Variants in GAS2 observed in about 807,000 individuals in gnomAD.
The protein encoded by GAS2 is growth arrest-specific protein 2.
In GAS2, 20 loss-of-function variants were observed where a neutral mutation model predicts 37.5. That is an observed-to-expected ratio of 0.53 (90% CI 0.37 to 0.77). GAS2 has a LOEUF of 0.77. Ranked by LOEUF, GAS2 falls within the 30% of genes least tolerant of loss-of-function variation. The probability of loss-of-function intolerance (pLI) is 0.00; values close to 1 mark genes in which losing one functional copy is unlikely to be tolerated. For synonymous variants in GAS2, 144 were observed against 132.2 expected (o/e 1.09, Z -0.61); for missense variants, 336 against 373.4 (o/e 0.90, Z 0.82).
intron 7 of GAS2, among the ~76,000 whole-genome samples, chr11:22,804,053 C>G (rs1162691870): frequency 6.6e-6 from 1 of 152,104 alleles, no homozygotes; most frequent in Non-Finnish European, 1.5e-5. Flanking sequence ...GAAGGATTCA[C>G]TTATCTGGGG....
intron 1 of GAS2, among the ~76,000 whole-genome samples, chr11:22,661,485 A>G (rs1848915560): frequency 6.6e-6 from 1 of 152,232 alleles, no homozygotes; most frequent in Non-Finnish European, 1.5e-5. Context: ...CTGTGATACT[A>G]CATTATAAGT....
intron 1 of GAS2, chr11:22,626,591 TA>T (rs1790684706): frequency 6.6e-6 from 1 of 152,446 alleles, no homozygotes; most frequent in Admixed American, 6.5e-5. Context: ...GAGAAGGTCC[TA>T]TGTCGCTCAC....
At chr11:22,713,160 T>C (rs1851495738) in intron 3 of GAS2, among the ~76,000 whole-genome samples, 1 of 149,690 alleles carries the variant, frequency 6.7e-6, no homozygotes, top group African/African-American at 2.5e-5. Flanking sequence ...ATAGATATAA[T>C]AAAGGACAAT....
chr11:22,773,200 CA>C (rs1855077431), intron 7 of GAS2, among the ~76,000 whole-genome samples: 1 of 152,070 alleles, frequency 6.6e-6, no homozygotes, highest in Non-Finnish European at 1.5e-5. Context: ...CAGTATTCCC[CA>C]GAGTAACTTC....
chr11:22,733,054 T>A (rs1852563100), intron 4 of GAS2, among the ~76,000 whole-genome samples: 1 of 151,602 alleles, frequency 6.6e-6, no homozygotes, highest in East Asian at 1.9e-4. Context: ...TAAACTCCCA[T>A]GCCATGCCTA....
chr11:22,781,077 C>T (rs968635917), intron 7 of GAS2, among the ~76,000 whole-genome samples: 1 of 152,136 alleles, frequency 6.6e-6, no homozygotes, highest in Non-Finnish European at 1.5e-5. Flanking sequence ...AGAAAAAAAG[C>T]AGATCAGAGT....
At position 22,682,839 on chromosome 11, in the gene GAS2, C is replaced by T. The variant is rs569877588; in HGVS notation, c.146-2829C>T. On this transcript the variant is annotated intron_variant, in intron 2 of 7. Coordinates refer to ENST00000454584, the MANE Select transcript of GAS2 (RefSeq NM_001143830.3). ...CCAGCCTGACGAGATCGCACCACTG[C>T]ACTCCAGCCTGTGGTTAGTCACTTT... Among the ~76,000 whole-genome samples, 10 of 140,358 alleles carry T rather than the reference C, an allele frequency of 7.1e-5. No individual in the cohort carries two copies. The East Asian group carries it at 1.9e-3, about 27-fold the overall frequency. 92.1% of individuals were successfully genotyped at this position (140,358 alleles called of 152,430 possible).
intron 3 of GAS2, among the ~76,000 whole-genome samples, chr11:22,695,325 GA>G (rs35423770): frequency 0.2 from 29,790 of 146,860 alleles, 3,150 homozygotes; most frequent in East Asian, 0.37. Context: ...TTCTCAAAAA[GA>G]AAAAAAAAAG....
chr11:22,664,339 G>A (rs571461265), upstream of GAS2, among the ~76,000 whole-genome samples: 5 of 151,546 alleles, frequency 3.3e-5, no homozygotes, highest in Admixed American at 2.6e-4. Flanking sequence ...GAAAAATAAC[G>A]TGTTTTATTG....
intron 3 of GAS2, chr11:22,702,574 A>T (rs1407743331): frequency 6.6e-6 from 1 of 152,178 alleles, no homozygotes; most frequent in Non-Finnish European, 1.5e-5. Context: ...AAAAGTAAAA[A>T]TTATTTTAGA....
chr11:22,808,408 G>A (rs1856995546), intron 7 of GAS2, among the ~76,000 whole-genome samples: 1 of 152,222 alleles, frequency 6.6e-6, no homozygotes, highest in Non-Finnish European at 1.5e-5. Flanking sequence ...TAGAAAGGAT[G>A]TGGAAGAGGA....
At chr11:22,663,317 C>G (rs1848935857), upstream of GAS2, among the ~76,000 whole-genome samples, 1 of 151,816 alleles carries the variant, frequency 6.6e-6, no homozygotes, top group East Asian at 1.9e-4. Flanking sequence ...GTGGTCCCAC[C>G]TACCGTGACA....
At chr11:22,678,894 A>C (rs976676568) in intron 2 of GAS2, among the ~76,000 whole-genome samples, 1 of 152,006 alleles carries the variant, frequency 6.6e-6, no homozygotes, top group African/African-American at 2.4e-5. Context: ...CTTAATCATT[A>C]ATAATAATAA....
At chr11:22,732,501 TC>T (rs1176101193) in intron 4 of GAS2, among the ~76,000 whole-genome samples, 4 of 151,722 alleles carry the variant, frequency 2.6e-5, no homozygotes, top group African/African-American at 9.7e-5. Context: ...GTGAGATTCT[TC>T]TTTGTTTGCT....
chr11:22,749,569 C>T (rs1435502374), intron 6 of GAS2, among the ~76,000 whole-genome samples: 1 of 152,000 alleles, frequency 6.6e-6, no homozygotes, highest in African/African-American at 2.4e-5. Context: ...ACCATTCCCC[C>T]TTTCACAGAT....
upstream of GAS2, among the ~76,000 whole-genome samples, chr11:22,662,848 G>A (rs540539083): frequency 1.2e-4 from 18 of 151,894 alleles, no homozygotes; most frequent in African/African-American, 4.4e-4. Flanking sequence ...GTGGGACTGT[G>A]TCCCTGGGCA....
chr11:22,696,163 G>C (rs887770029), intron 3 of GAS2, among the ~76,000 whole-genome samples: 7 of 142,444 alleles, frequency 4.9e-5, no homozygotes, highest in African/African-American at 1.8e-4. Flanking sequence ...TCATTGTTCA[G>C]TTCCCACCTA....
intron 2 of GAS2, among the ~76,000 whole-genome samples, chr11:22,677,733 C>G (rs1263724160): frequency 1.3e-5 from 2 of 152,114 alleles, no homozygotes; most frequent in Admixed American, 1.3e-4. Context: ...GTCAGGAGAC[C>G]TGGCCTCTGG....
At chr11:22,683,052 T>C (rs1849771198) in intron 2 of GAS2, among the ~76,000 whole-genome samples, 1 of 152,068 alleles carries the variant, frequency 6.6e-6, no homozygotes, top group South Asian at 2.1e-4. Context: ...GTGTGGTGAG[T>C]ATTTAAAGCT....
Sources: gnomAD v4.1 joint callset for allele counts (sites outside exome capture counted in the v4.1 genomes callset) on GRCh38, gnomAD v4.1.1 for gene constraint, MANE v1.5 for transcripts, NCBI Gene and HGNC (gene_info 2026-07-23, HGNC 2026-07-21) for gene names.